Variants in MYO1D observed in about 807,000 individuals in gnomAD.
MYO1D encodes the protein unconventional myosin-Id.
In MYO1D, 83 loss-of-function variants were observed where a neutral mutation model predicts 122.0. The ratio of observed to expected loss-of-function variants is 0.68; its 90% CI spans 0.57 to 0.82. The LOEUF (loss-of-function observed/expected upper bound fraction) is 0.82. Ranked by LOEUF, MYO1D falls within the 40% of genes least tolerant of loss-of-function variation. The pLI, the probability that MYO1D is intolerant of heterozygous loss-of-function variation, is 0.00. For missense variants in MYO1D, 1,157 were observed against 1,269.5 expected (o/e 0.91, Z 1.35); for synonymous variants, 464 against 446.9 (o/e 1.04, Z -0.48).
At chr17:32,522,898 G>A (rs1201743289) in intron 21 of MYO1D, among the ~76,000 whole-genome samples, 1 of 150,580 alleles carries the variant, frequency 6.6e-6, no homozygotes, top group Admixed American at 6.6e-5. Flanking sequence ...CTCACTGCAA[G>A]CTCCGCCTCC....
At position 32,684,725 on chromosome 17, in the gene MYO1D, G is replaced by A. The variant is rs1483261544; in HGVS notation, c.2122-25387C>T. Reference sequence around the variant, plus strand: ...TGTCATGTATTTTCTCAAGTCTGAAGAGAATTTCAAATTCACTGTTGACGG... The same window carrying A: ...TGTCATGTATTTTCTCAAGTCTGAAAAGAATTTCAAATTCACTGTTGACGG... On this transcript the variant is annotated intron_variant, in intron 16 of 21. Transcript: ENST00000318217. 3.9e-5 allele frequency among the ~76,000 whole-genome samples: 6 copies of A among 152,294 alleles called. No homozygotes were observed. The East Asian group carries it at 7.7e-4, about 20-fold the overall frequency.
intron 6 of MYO1D, among the ~76,000 whole-genome samples, chr17:32,768,375 G>A (rs758703898): frequency 6.6e-6 from 1 of 152,158 alleles, no homozygotes; most frequent in Non-Finnish European, 1.5e-5. Flanking sequence ...AAGATGAATC[G>A]CCTGCCCTTT....
rs35563167 is a variant in MYO1D, at chr17:32,581,741, T to TTGTG, written c.2864+23342_2864+23345dup. ...GTGCACACCATCATACCTGGCTAAT[T>TTGTG]TGTGTGTGTGTGTGTGTGTGTGTGT... On this transcript the variant is annotated intron_variant, in intron 21 of 21. Coordinates refer to ENST00000318217, the MANE Select transcript of MYO1D (RefSeq NM_015194.3). Among the ~76,000 whole-genome samples the TTGTG allele has an allele frequency of 9.3e-3, 1,385 of 148,380 alleles. 15 individuals are homozygous for TTGTG. The highest frequency in any genetic ancestry group is 0.02 in the African/African-American group (821 of 40,310).
intron 1 of MYO1D, among the ~76,000 whole-genome samples, chr17:32,822,134 A>G (rs969677230): frequency 2.4e-5 from 3 of 123,718 alleles, no homozygotes; most frequent in Non-Finnish European, 3.6e-5. Context: ...CAAATGTCCA[A>G]CAATGATAGA....
intron 21 of MYO1D, among the ~76,000 whole-genome samples, chr17:32,560,028 G>A (rs529320314): frequency 3.9e-5 from 6 of 152,184 alleles, no homozygotes; most frequent in South Asian, 4.2e-4. Flanking sequence ...AGGCCAAGGC[G>A]GGCAGATCAC....
intron 14 of MYO1D, among the ~76,000 whole-genome samples, chr17:32,736,198 T>C (rs557438759): frequency 1.3e-5 from 2 of 152,236 alleles, no homozygotes; most frequent in East Asian, 3.9e-4. Context: ...CATACACACA[T>C]GGATTGGGAA....
chr17:32,632,405 T>A (rs2088020315), intron 20 of MYO1D: 1 of 152,156 alleles, frequency 6.6e-6, no homozygotes, highest in South Asian at 2.1e-4. Context: ...TCTAGGCATA[T>A]CCAAAGCTTT....
Position 32,654,585 on chromosome 17 carries a change from G to A in MYO1D, c.2382C>T (p.Ala794=). ...TTGCCCTGACCTGGGGCAGGTCTGA[G>A]GCCGGAATGCTCTTGATGAGCTGGG... The part of the protein sequence containing the change: ...RASQLIKSIP[A]SDLPQVRAKV... Residue 794 remains alanine (A), a synonymous_variant, in exon 18 of 22, where the codon GCC becomes GCT. Coordinates refer to ENST00000318217, the MANE Select transcript of MYO1D (RefSeq NM_015194.3). 6.2e-7 allele frequency: 1 copy of A among 1,613,590 alleles called. No homozygotes were observed. The highest frequency in any genetic ancestry group is 8.5e-7 in the Non-Finnish European group (1 of 1,179,778).
intron 1 of MYO1D, among the ~76,000 whole-genome samples, chr17:32,786,060 T>C (rs1392279431): frequency 2.6e-5 from 4 of 152,200 alleles, no homozygotes; most frequent in Admixed American, 2.6e-4. Flanking sequence ...TAAGACTGAA[T>C]ATATGCCTCT....
chr17:32,611,593 C>T (rs1290695269), intron 20 of MYO1D, among the ~76,000 whole-genome samples: 2 of 152,260 alleles, frequency 1.3e-5, no homozygotes, highest in African/African-American at 4.8e-5. Context: ...AACCTCGACA[C>T]TTTGGGAGGC....
chr17:32,802,723 T>C (rs866666324), intron 1 of MYO1D, among the ~76,000 whole-genome samples: 1 of 152,218 alleles, frequency 6.6e-6, no homozygotes, highest in Non-Finnish European at 1.5e-5. Context: ...TACATGTATG[T>C]GTGTATGTAG....
At chr17:32,681,532 G>C (rs889837082) in intron 16 of MYO1D, among the ~76,000 whole-genome samples, 1 of 150,666 alleles carries the variant, frequency 6.6e-6, no homozygotes, top group African/African-American at 2.4e-5. Flanking sequence ...TCAGGAGCAG[G>C]TTGTTCAGTT....
At chr17:32,816,472 C>A (rs569275946) in intron 1 of MYO1D, among the ~76,000 whole-genome samples, 5 of 152,190 alleles carry the variant, frequency 3.3e-5, no homozygotes, top group Non-Finnish European at 5.9e-5. Flanking sequence ...ACTTTGAAAT[C>A]ATTTTAATAA....
chr17:32,869,286 G>A (rs1193659867), intron 1 of MYO1D, among the ~76,000 whole-genome samples: 1 of 152,088 alleles, frequency 6.6e-6, no homozygotes, highest in Non-Finnish European at 1.5e-5. Context: ...CTTCCTACAG[G>A]AAATAAAACT....
chr17:32,589,633 G>A (rs748906701), intron 21 of MYO1D, among the ~76,000 whole-genome samples: 20 of 152,124 alleles, frequency 1.3e-4, no homozygotes, highest in Non-Finnish European at 2.2e-4. Context: ...TAACATTTCC[G>A]TCATTCACAC....
At chr17:32,531,877 G>A (rs904651500) in intron 21 of MYO1D, among the ~76,000 whole-genome samples, 17 of 152,218 alleles carry the variant, frequency 1.1e-4, no homozygotes, top group African/African-American at 4.1e-4. Context: ...AGTATTATGT[G>A]TCACTTTTTA....
chr17:32,755,499 C>G lies in MYO1D; in HGVS notation c.1460G>C (p.Ser487Thr), dbSNP rs770750028. 6.2e-7 allele frequency: 1 copy of G among 1,613,554 alleles called. No individual in the cohort carries two copies. The change falls in exon 11 of 22, where the codon AGC becomes ACC. Residue 487 changes from serine to threonine, a missense_variant. Physicochemically the swap from Ser to Thr is moderately conservative, Grantham distance 58 (BLOSUM62 1). Coordinates refer to ENST00000318217, the MANE Select transcript of MYO1D (RefSeq NM_015194.3). Reference sequence around the variant, plus strand: ...TGTCATTAAACACATTACCTTTCGGCTGGAAAAATGGGCGTGTTTGCCCAA... The same window carrying G: ...TGTCATTAAACACATTACCTTTCGGGTGGAAAAATGGGCGTGTTTGCCCAA... ...SKLGKHAHFS[S>T]RKLCASDKIL...
chr17:32,636,512 C>T (rs2150937609), intron 20 of MYO1D, among the ~76,000 whole-genome samples: 1 of 152,348 alleles, frequency 6.6e-6, no homozygotes, highest in East Asian at 1.9e-4. Context: ...TTCCCCATCA[C>T]ATCGAACTTG....
chr17:32,694,574 G>A (rs1219822897), intron 16 of MYO1D, among the ~76,000 whole-genome samples: 3 of 151,386 alleles, frequency 2.0e-5, no homozygotes, highest in Admixed American at 6.6e-5. Context: ...GGTGGCGGGC[G>A]CCTGTAGTCC....
Sources: gnomAD v4.1 joint callset for allele counts (sites outside exome capture counted in the v4.1 genomes callset) on GRCh38, gnomAD v4.1.1 for gene constraint, MANE v1.5 for transcripts, NCBI Gene and HGNC (gene_info 2026-07-23, HGNC 2026-07-21) for gene names.